The following PAX5 variants were observed in gnomAD, a reference collection of about 807,000 sequenced individuals.
PAX5 encodes paired box 5, also known as paired box protein Pax-5.
In PAX5, 9 loss-of-function variants were observed where a neutral mutation model predicts 43.7. The observed-to-expected ratio is 0.21, with a 90% CI of 0.12 to 0.36. The LOEUF (loss-of-function observed/expected upper bound fraction) is 0.36, where lower values mean the gene tolerates loss of function less well. PAX5 is among the 10% of genes least tolerant of loss of function. The pLI is 1.00. For synonymous variants in PAX5, 228 were observed against 214.3 expected (o/e 1.06, Z -0.56); for missense variants, 383 against 532.7 (o/e 0.72, Z 2.77).
intron 6 of PAX5, among the ~76,000 whole-genome samples, chr9:36,940,820 A>T (rs944059): frequency 0.014 from 2,099 of 152,244 alleles, 63 homozygotes; most frequent in Admixed American, 0.069. Context: ...TCTCTGCTGA[A>T]TCTCCAGGTA....
intron 7 of PAX5, among the ~76,000 whole-genome samples, chr9:36,915,294 C>T (rs1224670239): frequency 1.3e-5 from 2 of 152,194 alleles, no homozygotes; most frequent in Non-Finnish European, 2.9e-5. Context: ...CCAAGTTTCC[C>T]TTCCAAAGAG....
At chr9:37,006,822 G>C (rs781408073) in intron 3 of PAX5, among the ~76,000 whole-genome samples, 1 of 152,224 alleles carries the variant, frequency 6.6e-6, no homozygotes, top group Non-Finnish European at 1.5e-5. Flanking sequence ...GAAGAAAGAG[G>C]ATGATGTGTT....
intron 1 of PAX5, among the ~76,000 whole-genome samples, chr9:37,025,451 A>G (rs1203401841): frequency 6.6e-6 from 1 of 152,112 alleles, no homozygotes; most frequent in African/African-American, 2.4e-5. Context: ...AGGACCAGGC[A>G]TGGGGACGGC....
intron 8 of PAX5, among the ~76,000 whole-genome samples, chr9:36,863,153 C>T (rs1435159040): frequency 2.0e-5 from 3 of 152,224 alleles, no homozygotes; most frequent in African/African-American, 4.8e-5. Context: ...CTCCCTCCTG[C>T]GGTAGCTGCT....
chr9:36,859,127 C>A (rs955918482), intron 8 of PAX5, among the ~76,000 whole-genome samples: 22 of 152,264 alleles, frequency 1.4e-4, no homozygotes, highest in African/African-American at 4.6e-4. Flanking sequence ...CCCTGCACCC[C>A]GAGGAGCGCG....
chr9:36,990,795 C>A (rs1836866219), intron 5 of PAX5, among the ~76,000 whole-genome samples: 2 of 152,216 alleles, frequency 1.3e-5, no homozygotes. Context: ...GATGGTGGAG[C>A]CCCTGCTTCC....
At chr9:36,868,313 C>G (rs1337653987) in intron 8 of PAX5, among the ~76,000 whole-genome samples, 1 of 152,176 alleles carries the variant, frequency 6.6e-6, no homozygotes, top group East Asian at 1.9e-4. Flanking sequence ...TACTGAGCAC[C>G]TACTGCAGGC....
At position 36,840,303 on chromosome 9, in the gene PAX5, A is replaced by G. The variant is rs141264486; in HGVS notation, c.*257T>C. On this transcript the variant is annotated 3_prime_UTR_variant, in exon 10 of 10. Coordinates refer to ENST00000358127, the MANE Select transcript of PAX5 (RefSeq NM_016734.3). The stretch of plus-strand genomic sequence containing the variant: ...GCTGCGGTTATTTGCAGGACAGTCT[A>G]TTGGTTTGCAGAGACCCAGTGGCCA... 808 of 590,448 alleles carry G rather than the reference A, an allele frequency of 1.4e-3. 5 individuals are homozygous for G. The highest frequency in any genetic ancestry group is 0.013 in the African/African-American group (673 of 53,684). The allele number at this position is 590,448 out of a possible 1,614,324, so 36.6% of individuals were successfully genotyped here.
chr9:36,885,355 T>A (rs1826820736), intron 7 of PAX5, among the ~76,000 whole-genome samples: 1 of 152,188 alleles, frequency 6.6e-6, no homozygotes, highest in Non-Finnish European at 1.5e-5. Flanking sequence ...ACCCTTGATT[T>A]GCCACTTATT....
chr9:36,921,847 A>G (rs552076656), intron 7 of PAX5, among the ~76,000 whole-genome samples: 1 of 152,108 alleles, frequency 6.6e-6, no homozygotes, highest in East Asian at 1.9e-4. Context: ...CCTCCCTGAG[A>G]CTTGGTTTCT....
At chr9:36,870,347 A>G (rs1825383954) in intron 8 of PAX5, among the ~76,000 whole-genome samples, 1 of 152,226 alleles carries the variant, frequency 6.6e-6, no homozygotes, top group Non-Finnish European at 1.5e-5. Flanking sequence ...TTTTCACTCT[A>G]AAAACACAAA....
rs538285044 is a variant in PAX5, at chr9:37,028,837, CA to C, written c.46+5148del. ...GGGGAAGTTCCTGTCCCTATGTAGA[CA>C]AAATGGATGGATTTGTAGCAGAACT... On this transcript the variant is annotated intron_variant, in intron 1 of 9. Coordinates refer to ENST00000358127, the MANE Select transcript of PAX5 (RefSeq NM_016734.3). Among the ~76,000 whole-genome samples, 222 of 152,342 alleles carry C rather than the reference CA, an allele frequency of 1.5e-3. 4 individuals are homozygous for C. Among genetic ancestry groups the C allele is most frequent in the Admixed American group, 0.014 (215 of 15,302 alleles).
chr9:37,018,570 C>CAAAAAA lies in PAX5; in HGVS notation c.212+2060_212+2065dup, dbSNP rs1222049885. 3.4e-4 allele frequency among the ~76,000 whole-genome samples: 24 copies of CAAAAAA among 70,992 alleles called. 8 individuals are homozygous for CAAAAAA. The highest frequency in any genetic ancestry group is 6.1e-4 in the Admixed American group (3 of 4,958). The allele number at this position is 70,992 out of a possible 152,430, so 46.6% of individuals were successfully genotyped here. ...TGTGCCCATCAAATTCTTCAGTGACCAAAAAAAAAAAAAAAAAATCTGTGG... is the reference window on the plus strand; with the variant it reads ...TGTGCCCATCAAATTCTTCAGTGACCAAAAAAAAAAAAAAAAAAAAAAAATCTGTGG... On this transcript the variant is annotated intron_variant, in intron 2 of 9. Coordinates refer to ENST00000358127, the MANE Select transcript of PAX5 (RefSeq NM_016734.3).
intron 9 of PAX5, among the ~76,000 whole-genome samples, chr9:36,842,214 C>T (rs1822126532): frequency 6.6e-6 from 1 of 152,228 alleles, no homozygotes; most frequent in African/African-American, 2.4e-5. Flanking sequence ...CAGCCTTCCT[C>T]TATTCTCTCT....
At chr9:36,857,131 A>G (rs1823759694) in intron 8 of PAX5, among the ~76,000 whole-genome samples, 1 of 152,236 alleles carries the variant, frequency 6.6e-6, no homozygotes, top group Non-Finnish European at 1.5e-5. Context: ...AGGCAGTCAT[A>G]CACACTTCCC....
At position 37,010,779 on chromosome 9, in the gene PAX5, G is replaced by A. The variant is rs1026578962; in HGVS notation, c.410+4218C>T. Among the ~76,000 whole-genome samples the A allele has an allele frequency of 4.6e-5, 7 of 152,140 alleles. No individual in the cohort carries two copies. The East Asian group carries it at 7.7e-4, about 17-fold the overall frequency. The stretch of plus-strand genomic sequence containing the variant: ...AGAAGCTTGGGCCATCAGCTATGCC[G>A]AGAATTCAAAACCCAGGGGTCCAAC... On this transcript the variant is annotated intron_variant, in intron 3 of 9. Coordinates refer to ENST00000358127, the MANE Select transcript of PAX5 (RefSeq NM_016734.3).
chr9:36,950,003 C>T (rs555472681), intron 6 of PAX5, among the ~76,000 whole-genome samples: 1 of 152,362 alleles, frequency 6.6e-6, no homozygotes, highest in South Asian at 2.1e-4. Context: ...TCCCCAGCTC[C>T]AGCCTCATGG....
intron 9 of PAX5, among the ~76,000 whole-genome samples, chr9:36,842,984 G>A (rs1181306406): frequency 3.3e-5 from 5 of 152,232 alleles, no homozygotes; most frequent in Admixed American, 6.5e-5. Flanking sequence ...GGGTGTGTGC[G>A]AGTGGGAGTG....
chr9:36,900,075 A>G (rs573695625), intron 7 of PAX5, among the ~76,000 whole-genome samples: 1 of 152,198 alleles, frequency 6.6e-6, no homozygotes, highest in South Asian at 2.1e-4. Flanking sequence ...AAATCTTCAA[A>G]TATTTTTGGC....
Sources: allele counts gnomAD v4.1 joint callset (sites outside exome capture counted in the v4.1 genomes callset), GRCh38; gene constraint gnomAD v4.1.1; transcripts MANE v1.5; gene names NCBI Gene and HGNC (gene_info 2026-07-23, HGNC 2026-07-21).